Variants in CFAP20DC observed in about 807,000 individuals in gnomAD.
CFAP20DC encodes the protein protein CFAP20DC.
Under a neutral mutation model 101.7 loss-of-function variants are expected in CFAP20DC, and 84 were observed. The ratio of observed to expected loss-of-function variants is 0.83; its 90% CI spans 0.69 to 0.99. The LOEUF is 0.99. Ranked by LOEUF, CFAP20DC falls within the 50% of genes least tolerant of loss-of-function variation. The probability of loss-of-function intolerance (pLI) is 0.00; values close to 1 mark genes in which losing one functional copy is unlikely to be tolerated. For synonymous variants in CFAP20DC, 359 were observed against 351.2 expected, an observed-to-expected ratio of 1.02 and a Z score of -0.25; for missense variants, 1,007 against 970.3, an observed-to-expected ratio of 1.04 and a Z score of -0.50.
At chr3:58,873,695 TGC>T in intron 7 of CFAP20DC, among the ~76,000 whole-genome samples, 1 of 151,626 alleles carries the variant, frequency 6.6e-6, no homozygotes, top group African/African-American at 2.4e-5. Context: ...GTCAGGCAGG[TGC>T]TCAAGTAGAA....
intron 7 of CFAP20DC, among the ~76,000 whole-genome samples, chr3:58,872,525 A>G (rs1469495422): frequency 1.3e-5 from 2 of 152,164 alleles, no homozygotes; most frequent in African/African-American, 4.8e-5. Context: ...CTGAAGATAA[A>G]GGCAAGGGCT....
chr3:58,849,412 A>C lies in CFAP20DC; in HGVS notation c.1594-3T>G, dbSNP rs201242090. The C allele has an allele frequency of 1.0e-3, 1,506 of 1,499,128 alleles. 2 individuals carry two copies. The highest frequency in any genetic ancestry group is 1.2e-3 in the Non-Finnish European group (1,390 of 1,132,016). The allele number at this position is 1,499,128 out of a possible 1,614,324, so 92.9% of individuals were successfully genotyped here. A position where few individuals can be genotyped will look rare whatever the true frequency, so the allele number is the denominator to read the frequency against. ...GAACCCTGGATACTGTGGTTACCCT[A>C]TGTTGGGGAACAAAGTAAAAATAAT... On this transcript the variant is annotated splice_region_variant and splice_polypyrimidine_tract_variant and intron_variant, in intron 12 of 16. Transcript: ENST00000482387.
intron 15 of CFAP20DC, among the ~76,000 whole-genome samples, chr3:58,758,524 C>T (rs1188566509): frequency 1.3e-5 from 2 of 151,720 alleles, no homozygotes; most frequent in African/African-American, 2.4e-5. Flanking sequence ...TCAGCTCTGA[C>T]TATAATCCTT....
downstream of CFAP20DC, among the ~76,000 whole-genome samples, chr3:58,738,181 C>CT (rs370932098): frequency 7.9e-5 from 12 of 151,214 alleles, no homozygotes; most frequent in African/African-American, 2.4e-4. This position sits in a 1 kb window ranked among gnomAD's most constrained non-coding sequence, Gnocchi z 4.4. Context: ...ACAGGCAATT[C>CT]TTTTTTTTTA....
intron 15 of CFAP20DC, among the ~76,000 whole-genome samples, chr3:58,791,292 A>G (rs1288502419): frequency 6.6e-6 from 1 of 152,178 alleles, no homozygotes; most frequent in Non-Finnish European, 1.5e-5. Context: ...GCCAGGCCCT[A>G]TGCAAAACAT....
At chr3:58,810,150 C>A (rs1289069269) in intron 14 of CFAP20DC, among the ~76,000 whole-genome samples, 1 of 152,152 alleles carries the variant, frequency 6.6e-6, no homozygotes, top group Non-Finnish European at 1.5e-5. Context: ...ACCATTCCTT[C>A]TGAAACTATT....
In CFAP20DC at chr3:58,728,383, T is replaced by A. The variant is rs371987364; in HGVS notation, c.198-10755A>T. 2.6e-4 allele frequency among the ~76,000 whole-genome samples: 39 copies of A among 152,386 alleles called. No homozygotes were observed. The highest frequency in any genetic ancestry group is 8.9e-4 in the African/African-American group (37 of 41,598). On this transcript the variant is annotated intron_variant, in intron 3 of 3. Coordinates refer to the CFAP20DC transcript ENST00000486145. This position sits in a 1 kb window ranked among gnomAD's most constrained non-coding sequence, Gnocchi z 4.7. ...AATGAATAGATTCCTGAAAGTTGGTTGTTCCATGGGATTTATGCCAAAGAC... is the reference window on the plus strand; with the variant it reads ...AATGAATAGATTCCTGAAAGTTGGTAGTTCCATGGGATTTATGCCAAAGAC...
In CFAP20DC at chr3:59,049,697, G is replaced by A. The variant is rs1360217122; in HGVS notation, c.-66C>T. 3.3e-6 allele frequency: 5 copies of A among 1,521,788 alleles called. No individual in the cohort carries two copies. The highest frequency in any genetic ancestry group is 4.0e-5 in the Admixed American group (2 of 49,394). The allele number at this position is 1,521,788 out of a possible 1,614,324, so 94.3% of individuals were successfully genotyped here. ...GGTTTCCAGCGAGTGGCGTGACCCTGACGGCTGGAAATCGGCTGGCGGGAA... is the reference window on the plus strand; with the variant it reads ...GGTTTCCAGCGAGTGGCGTGACCCTAACGGCTGGAAATCGGCTGGCGGGAA... On this transcript the variant is annotated 5_prime_UTR_variant, in exon 1 of 17. Transcript: ENST00000482387.
chr3:58,936,849 AC>A lies in CFAP20DC; in HGVS notation c.393+798del, dbSNP rs903571873. ...AATGACGAGTTACTGGGTGCAGCAC[AC>A]CAGCATGGCACATGTATACATATGT... On this transcript the variant is annotated intron_variant, in intron 5 of 16. Coordinates refer to ENST00000482387, the MANE Select transcript of CFAP20DC (RefSeq NM_001394063.1). Among the ~76,000 whole-genome samples, 7 of 152,078 alleles carry A rather than the reference AC, an allele frequency of 4.6e-5. 1 individual carries two copies. Among genetic ancestry groups the A allele is most frequent in the Admixed American group, 3.3e-4 (5 of 15,268 alleles).
rs1222120369 is a variant in CFAP20DC at position 59,015,253 on chromosome 3, C to T, written c.278+24304G>A. On this transcript the variant is annotated intron_variant, in intron 4 of 16. Coordinates refer to ENST00000482387, the MANE Select transcript of CFAP20DC (RefSeq NM_001394063.1). The surrounding 1 kb of genome is among the most constrained non-coding windows in gnomAD (Gnocchi z 5.4). ...TACCATTTCCTGTGGCCCTCAGGCA[C>T]CCACTTTCTCTTCTTGAGTAAGTTT... Among the ~76,000 whole-genome samples the T allele has an allele frequency of 6.6e-6, 1 of 151,738 alleles. No homozygotes were observed. The highest frequency in any genetic ancestry group is 1.5e-5 in the Non-Finnish European group (1 of 67,942).
chr3:58,716,844 GC>G (rs1178267259), downstream of CFAP20DC, among the ~76,000 whole-genome samples: 1 of 152,082 alleles, frequency 6.6e-6, no homozygotes, highest in African/African-American at 2.4e-5. Context: ...CAGGAAAAGG[GC>G]CAGAGTAACA....
intron 15 of CFAP20DC, among the ~76,000 whole-genome samples, chr3:58,777,608 A>G (rs1477918899): frequency 6.6e-6 from 1 of 152,196 alleles, no homozygotes; most frequent in East Asian, 1.9e-4. Context: ...AAACTGATGA[A>G]GTTACGATAT....
intron 15 of CFAP20DC, among the ~76,000 whole-genome samples, chr3:58,787,602 AACCAGAAAT>A (rs1232148521): frequency 6.6e-6 from 1 of 152,136 alleles, no homozygotes; most frequent in Non-Finnish European, 1.5e-5. Context: ...AAGGATCTAG[AACCAGAAAT>A]ACCATTTGAC....
At chr3:59,043,508 A>G (rs1699593060) in intron 3 of CFAP20DC, among the ~76,000 whole-genome samples, 1 of 152,040 alleles carries the variant, frequency 6.6e-6, no homozygotes, top group African/African-American at 2.4e-5. Flanking sequence ...AAATGATACT[A>G]AAGTGGGGGC....
At chr3:59,017,860 GT>G (rs2093722036) in intron 4 of CFAP20DC, 1 of 152,074 alleles carries the variant, frequency 6.6e-6, no homozygotes, top group East Asian at 1.9e-4. Flanking sequence ...CAATTTCTTT[GT>G]TTCTCCCTTT....
At position 58,863,704 on chromosome 3, in the gene CFAP20DC, T is replaced by A; in HGVS notation, c.1447A>T (p.Arg483Ter). The A allele has an allele frequency of 6.2e-7, 1 of 1,613,846 alleles. No homozygotes were observed. The highest frequency in any genetic ancestry group is 8.5e-7 in the Non-Finnish European group (1 of 1,179,710). ...TTTCCATGAGGTGCTGATCGTGGTC[T>A]TGATGAAAAAGTGAAAATGTCCTTT... ...VPKDIFTFSSRPRSAPHGKTQ... is the reference protein window; with the variant it reads ...VPKDIFTFSS Residue 483 changes from arginine (R) to a stop codon, truncating the protein, a stop_gained, in exon 12 of 17, where the codon AGA (arginine) becomes TGA (stop). Coordinates refer to ENST00000482387, the MANE Select transcript of CFAP20DC (RefSeq NM_001394063.1). LOFTEE classifies it high-confidence loss of function. This position sits in a 1 kb window ranked among gnomAD's most constrained non-coding sequence, Gnocchi z 5.9.
intron 15 of CFAP20DC, among the ~76,000 whole-genome samples, chr3:58,766,221 G>A (rs1008591307): frequency 4.6e-5 from 7 of 152,294 alleles, no homozygotes; most frequent in Admixed American, 2.0e-4. Context: ...ATAGGTTTAC[G>A]AATGGGCATG....
At position 58,886,560 on chromosome 3, in the gene CFAP20DC, T is replaced by TA. The variant is rs935741126; in HGVS notation, c.551-1852dup. 2.1e-3 allele frequency among the ~76,000 whole-genome samples: 302 copies of TA among 145,378 alleles called. 1 individual carries two copies. The highest frequency in any genetic ancestry group is 6.3e-3 in the African/African-American group (251 of 39,662). On this transcript the variant is annotated intron_variant, in intron 6 of 16. Transcript: ENST00000482387. ...AACATAGCCATACCCCATATATCTT[T>TA]AAAAAAAAAACAAAAAAATTAGCTG...
At chr3:58,998,633 C>T (rs2093212408) in intron 4 of CFAP20DC, among the ~76,000 whole-genome samples, 1 of 152,078 alleles carries the variant, frequency 6.6e-6, no homozygotes, top group Non-Finnish European at 1.5e-5. Context: ...AGGATATAGC[C>T]CCACCCTGTG....
Sources: allele counts gnomAD v4.1 joint callset (sites outside exome capture counted in the v4.1 genomes callset), GRCh38; gene constraint gnomAD v4.1.1; non-coding constraint Gnocchi (gnomAD v3.1); transcripts MANE v1.5; gene names NCBI Gene and HGNC (gene_info 2026-07-23, HGNC 2026-07-21).